MAN1A1: variants seen among roughly 807,000 people sequenced by gnomAD.
MAN1A1 encodes mannosidase alpha class 1A member 1.
MAN1A1 carries 29 observed loss-of-function variants against 70.8 expected under a neutral mutation model. The ratio of observed to expected loss-of-function variants is 0.41; its 90% CI spans 0.31 to 0.56. The LOEUF is 0.56. Ranked by LOEUF, MAN1A1 falls within the 20% of genes least tolerant of loss-of-function variation. MAN1A1 has a pLI of 0.29. For synonymous variants in MAN1A1, 349 were observed against 330.1 expected (o/e 1.06, Z -0.62); for missense variants, 747 against 841.3 (o/e 0.89, Z 1.39).
intron 5 of MAN1A1, among the ~76,000 whole-genome samples, chr6:119,277,268 G>A (rs192420088): frequency 2.0e-5 from 3 of 151,970 alleles, no homozygotes; most frequent in South Asian, 4.1e-4. Context: ...AAGTGACTTC[G>A]TTATTATTAT....
At chr6:119,319,369 A>T (rs1483709648) in intron 2 of MAN1A1, among the ~76,000 whole-genome samples, 1 of 140,064 alleles carries the variant, frequency 7.1e-6, no homozygotes, top group Admixed American at 7.1e-5. Flanking sequence ...AAATAATAAT[A>T]ATAATAATAA....
At chr6:119,208,430 A>C (rs1258004565) in intron 6 of MAN1A1, among the ~76,000 whole-genome samples, 1 of 152,216 alleles carries the variant, frequency 6.6e-6, no homozygotes, top group Middle Eastern at 3.2e-3. Flanking sequence ...TCTTTAAAGG[A>C]ATTGAGTCAC....
intron 6 of MAN1A1, among the ~76,000 whole-genome samples, chr6:119,209,768 T>C (rs1432812521): frequency 6.6e-6 from 1 of 152,192 alleles, no homozygotes; most frequent in Non-Finnish European, 1.5e-5. Flanking sequence ...CACTAAGACC[T>C]GGAATAACAA....
intron 3 of MAN1A1, among the ~76,000 whole-genome samples, chr6:119,304,636 C>T (rs939089599): frequency 6.6e-6 from 1 of 152,126 alleles, no homozygotes; most frequent in African/African-American, 2.4e-5. Context: ...CAGTCTTACT[C>T]TGTCTAGGAA....
At chr6:119,197,621 A>G (rs1441890967) in intron 8 of MAN1A1, among the ~76,000 whole-genome samples, 2 of 152,156 alleles carry the variant, frequency 1.3e-5, no homozygotes, top group African/African-American at 2.4e-5. Context: ...AGAAATGGCA[A>G]TTGAGCTGGG....
intron 5 of MAN1A1, among the ~76,000 whole-genome samples, chr6:119,277,021 A>G (rs1298618410): frequency 1.3e-5 from 2 of 152,226 alleles, no homozygotes; most frequent in Non-Finnish European, 2.9e-5. Flanking sequence ...GAAGGACCTT[A>G]GAATCTCTAT....
At chr6:119,254,076 A>C (rs1244783292) in intron 5 of MAN1A1, among the ~76,000 whole-genome samples, 2 of 152,214 alleles carry the variant, frequency 1.3e-5, no homozygotes, top group East Asian at 3.8e-4. Context: ...TAAACTGGTG[A>C]GCTTATAATA....
At chr6:119,228,923 C>T (rs1264291935) in intron 6 of MAN1A1, among the ~76,000 whole-genome samples, 1 of 152,198 alleles carries the variant, frequency 6.6e-6, no homozygotes, top group Admixed American at 6.5e-5. Flanking sequence ...TCAATTCTCT[C>T]ATTGAGGGCA....
rs560334673 is a variant in MAN1A1 at position 119,347,131 on chromosome 6, A to C, written c.603+1332T>G. Among the ~76,000 whole-genome samples the C allele has an allele frequency of 2.0e-4, 30 of 152,332 alleles. 1 individual carries two copies. The South Asian group carries it at 5.2e-3, about 26-fold the overall frequency. ...GGAAGCTATCTGCATAGGAAGGATG[A>C]AGACATTCTTCCTAAACCGAAAGGG... is the stretch of plus-strand genomic sequence containing the variant. On this transcript the variant is annotated intron_variant, in intron 2 of 12. Coordinates refer to ENST00000368468, the MANE Select transcript of MAN1A1 (RefSeq NM_005907.4).
intron 2 of MAN1A1, among the ~76,000 whole-genome samples, chr6:119,339,509 G>A (rs1243039387): frequency 6.6e-6 from 1 of 152,116 alleles, no homozygotes; most frequent in Admixed American, 6.5e-5. Context: ...GTTATAACCC[G>A]GCGTCGGGGG....
chr6:119,226,466 C>G (rs1442186554), intron 6 of MAN1A1, among the ~76,000 whole-genome samples: 1 of 152,072 alleles, frequency 6.6e-6, no homozygotes, highest in Non-Finnish European at 1.5e-5. Context: ...GGACAGCAAA[C>G]AAACTAAAAA....
At chr6:119,270,384 C>G (rs1775886759) in intron 5 of MAN1A1, among the ~76,000 whole-genome samples, 1 of 152,114 alleles carries the variant, frequency 6.6e-6, no homozygotes, top group Admixed American at 6.5e-5. Context: ...TTCTTTTTAA[C>G]ATATCATACA....
Position 119,349,643 on chromosome 6 carries a change from C to A in MAN1A1, c.-324G>T. ...TGCCTCTTTCCTAGGCTGGGCTGAG[C>A]GCGCTGTCCCACGGTCCCGCAGCCC... On this transcript the variant is annotated 5_prime_UTR_variant, in exon 1 of 13. Transcript: ENST00000368468. The A allele has an allele frequency of 3.0e-6, 3 of 985,910 alleles. No homozygotes were observed. Among genetic ancestry groups the A allele is most frequent in the Non-Finnish European group, 3.6e-6 (3 of 830,018 alleles). 61.1% of individuals were successfully genotyped at this position (985,910 alleles called of 1,614,324 possible).
At chr6:119,192,632 A>G (rs911929722) in intron 9 of MAN1A1, among the ~76,000 whole-genome samples, 1 of 152,156 alleles carries the variant, frequency 6.6e-6, no homozygotes, top group Non-Finnish European at 1.5e-5. Context: ...ATGAATTAAC[A>G]CTTTATTAAA....
chr6:119,227,645 GT>G (rs1774555382), intron 6 of MAN1A1, among the ~76,000 whole-genome samples: 1 of 152,062 alleles, frequency 6.6e-6, no homozygotes, highest in African/African-American at 2.4e-5. Flanking sequence ...ATTTTTAAAT[GT>G]TTTATAGAGA....
rs1294327247 is a variant in MAN1A1, at chr6:119,349,571, G to A, written c.-252C>T. ...GGGCAGGAGGGGCGCAGCGTGGGCG[G>A]GAGACTCGTCAACTTCGCCCGCTCC... On this transcript the variant is annotated 5_prime_UTR_variant, in exon 1 of 13. Transcript: ENST00000368468. The A allele has an allele frequency of 2.0e-5, 20 of 985,978 alleles. No homozygotes were observed. The highest frequency in any genetic ancestry group is 2.2e-5 in the Non-Finnish European group (18 of 830,152). The allele number at this position is 985,978 out of a possible 1,614,324, so 61.1% of individuals were successfully genotyped here.
rs1368837018 is a variant in MAN1A1 at position 119,349,070 on chromosome 6, C to T, written c.-5G>A. The T allele has an allele frequency of 3.0e-6, 4 of 1,311,798 alleles. No homozygotes were observed. The African/African-American group carries it at 6.2e-5, about 20-fold the overall frequency. 81.3% of individuals were successfully genotyped at this position (1,311,798 alleles called of 1,614,324 possible). Reference sequence around the variant, plus strand: ...CAACAGGCCCCCCACGGGCATCGCTCCCGCTGTCCAGTGGTCCGGCGCCGC... The same window carrying T: ...CAACAGGCCCCCCACGGGCATCGCTTCCGCTGTCCAGTGGTCCGGCGCCGC... On this transcript the variant is annotated 5_prime_UTR_variant, in exon 2 of 13. Coordinates refer to ENST00000368468, the MANE Select transcript of MAN1A1 (RefSeq NM_005907.4).
intron 2 of MAN1A1, among the ~76,000 whole-genome samples, chr6:119,323,268 T>C (rs1773064435): frequency 2.0e-5 from 3 of 152,200 alleles, no homozygotes; most frequent in Admixed American, 6.5e-5. Flanking sequence ...TTTATGCCTA[T>C]AGATTCAAAG....
chr6:119,299,995 A>G (rs763908045), intron 4 of MAN1A1, among the ~76,000 whole-genome samples: 5 of 152,180 alleles, frequency 3.3e-5, no homozygotes, highest in Admixed American at 6.5e-5. Flanking sequence ...TGGGGCAACA[A>G]TGCTACAATT....
Sources: gnomAD v4.1 joint callset for allele counts (sites outside exome capture counted in the v4.1 genomes callset) on GRCh38, gnomAD v4.1.1 for gene constraint, MANE v1.5 for transcripts, NCBI Gene and HGNC (gene_info 2026-07-23, HGNC 2026-07-21) for gene names.